ZFR: variants seen among roughly 807,000 people sequenced by gnomAD.
ZFR encodes zinc finger RNA-binding protein.
A neutral mutation model predicts 130.7 loss-of-function variants in ZFR; 19 were observed. The observed-to-expected ratio is 0.15, with a 90% CI of 0.10 to 0.21. The LOEUF is 0.21. Ranked by LOEUF, ZFR falls within the 10% of genes least tolerant of loss-of-function variation. The pLI is 1.00. For synonymous variants in ZFR, 466 were observed against 456.9 expected (o/e 1.02, Z -0.25); for missense variants, 872 against 1,321.5 (o/e 0.66, Z 5.27).
intron 11 of ZFR, among the ~76,000 whole-genome samples, chr5:32,393,572 C>T (rs1055160269): frequency 6.6e-6 from 1 of 152,158 alleles, no homozygotes; most frequent in Non-Finnish European, 1.5e-5. Context: ...TGAATCCCGA[C>T]CTCAGGTGAT....
At chr5:32,425,197 G>GAATGCTTT (rs1754046180) in intron 2 of ZFR, among the ~76,000 whole-genome samples, 1 of 152,298 alleles carries the variant, frequency 6.6e-6, no homozygotes, top group East Asian at 1.9e-4. Context: ...AATAAAACCA[G>GAATGCTTT]AATGCTTTAA....
At chr5:32,444,052 G>A (rs1261718430) in intron 2 of ZFR, among the ~76,000 whole-genome samples, 177 bp downstream of exon 2, 7 of 131,268 alleles carry the variant, frequency 5.3e-5, no homozygotes, top group Non-Finnish European at 8.5e-5. Flanking sequence ...GGGCCGGGCC[G>A]GGCAAGGCGG....
chr5:32,375,774 T>C (rs1053552588), intron 17 of ZFR, among the ~76,000 whole-genome samples: 1 of 152,074 alleles, frequency 6.6e-6, no homozygotes, highest in African/African-American at 2.4e-5. Context: ...TCTCAAATAA[T>C]GGGATTACAG....
In ZFR at chr5:32,387,549, A is replaced by C; in HGVS notation, c.2499T>G (p.Ala833=). The C allele has an allele frequency of 6.2e-7, 1 of 1,612,198 alleles. No homozygotes were observed. The highest frequency in any genetic ancestry group is 8.5e-7 in the Non-Finnish European group (1 of 1,179,104). The change falls in exon 14 of 20, where the codon GCT becomes GCG. Residue 833 remains alanine (A), a splice_region_variant and synonymous_variant. Coordinates refer to ENST00000265069, the MANE Select transcript of ZFR (RefSeq NM_016107.5). ...RIAENLPKQL[A]VISPEKYDIK... ...AAATGAACATTTCCATAATACTTACAGCAAGCTGTTTGGGTAGGTTTTCTG... is the reference window on the plus strand; with the variant it reads ...AAATGAACATTTCCATAATACTTACCGCAAGCTGTTTGGGTAGGTTTTCTG...
rs1752285166 is a variant in ZFR, at chr5:32,355,550, C to G, written c.*210G>C. ...GAAAAAATCGGAACTACTGTTTTCC[C>G]CCTAGTCGGAGCACATTTTTTTTTT... On this transcript the variant is annotated 3_prime_UTR_variant, in exon 20 of 20. Coordinates refer to ENST00000265069, the MANE Select transcript of ZFR (RefSeq NM_016107.5). 1 of 378,810 alleles carries G rather than the reference C, an allele frequency of 2.6e-6. No individual in the cohort carries two copies. The highest frequency in any genetic ancestry group is 9.6e-5 in the South Asian group (1 of 10,396). 23.5% of individuals were successfully genotyped at this position (378,810 alleles called of 1,614,324 possible).
At position 32,355,711 on chromosome 5, in the gene ZFR, C is replaced by T. The variant is rs1752289052; in HGVS notation, c.*49G>A. On this transcript the variant is annotated 3_prime_UTR_variant, in exon 20 of 20. Transcript: ENST00000265069. ...GACATTATTATGAATGAAAAACAGC[C>T]AACAAATGGGCATCTGTTTTTTTAA... 1.4e-6 allele frequency: 2 copies of T among 1,461,046 alleles called. No homozygotes were observed. Among genetic ancestry groups the T allele is most frequent in the African/African-American group, 1.4e-5 (1 of 69,326 alleles). 90.5% of individuals were successfully genotyped at this position (1,461,046 alleles called of 1,614,324 possible). A position where few individuals can be genotyped will look rare whatever the true frequency, so the allele number is the denominator to read the frequency against.
At position 32,419,772 on chromosome 5, in the gene ZFR, G is replaced by A. The variant is rs374930205; in HGVS notation, c.420+49C>T. On this transcript the variant is annotated intron_variant, in intron 3 of 19. Coordinates refer to ENST00000265069, the MANE Select transcript of ZFR (RefSeq NM_016107.5). ...CTAGGGCATTACATTATACACTGAA[G>A]ACAAAGAAACCCGCACATTCAGGCT... 79 of 1,533,650 alleles carry A rather than the reference G, an allele frequency of 5.2e-5. 1 individual carries two copies. The highest frequency in any genetic ancestry group is 1.4e-4 in the South Asian group (11 of 80,104).
intron 13 of ZFR, among the ~76,000 whole-genome samples, chr5:32,388,048 A>G (rs1340619225): frequency 6.6e-6 from 1 of 152,160 alleles, no homozygotes; most frequent in Non-Finnish European, 1.5e-5. Flanking sequence ...TAATAATGCA[A>G]ACTTGACATA....
intron 5 of ZFR, among the ~76,000 whole-genome samples, chr5:32,409,198 T>C (rs1490804011): frequency 2.0e-5 from 3 of 152,226 alleles, no homozygotes; most frequent in African/African-American, 7.2e-5. Flanking sequence ...ATATGGTGAA[T>C]AGGCAGTCTA....
At chr5:32,381,035 T>G (rs1323496442) in intron 15 of ZFR, among the ~76,000 whole-genome samples, 1 of 152,028 alleles carries the variant, frequency 6.6e-6, no homozygotes, top group African/African-American at 2.4e-5. Flanking sequence ...CCTTTAAAAT[T>G]TAAAGTTCCC....
chr5:32,382,883 A>G (rs186211117), intron 15 of ZFR, among the ~76,000 whole-genome samples: 22 of 152,256 alleles, frequency 1.4e-4, no homozygotes, highest in Admixed American at 7.9e-4. Context: ...TTAACCCCTT[A>G]TATTCTGCTA....
chr5:32,389,958 C>A (rs1320234175), intron 12 of ZFR, among the ~76,000 whole-genome samples: 3 of 152,200 alleles, frequency 2.0e-5, no homozygotes, highest in Non-Finnish European at 4.4e-5. Context: ...CAAGACCAGC[C>A]TGGCCAACGT....
At chr5:32,411,129 C>G (rs919472318) in intron 5 of ZFR, among the ~76,000 whole-genome samples, 2 of 152,170 alleles carry the variant, frequency 1.3e-5, no homozygotes, top group African/African-American at 4.8e-5. Flanking sequence ...GAAATCATGG[C>G]TCCTGTGTGA....
At chr5:32,442,360 C>G (rs575361479) in intron 2 of ZFR, among the ~76,000 whole-genome samples, 2 of 152,308 alleles carry the variant, frequency 1.3e-5, no homozygotes, top group South Asian at 4.1e-4. Flanking sequence ...ATTAGCCCTA[C>G]TAAAATCTCA....
chr5:32,360,096 T>C (rs1322325691), intron 19 of ZFR, among the ~76,000 whole-genome samples: 1 of 152,204 alleles, frequency 6.6e-6, no homozygotes, highest in African/African-American at 2.4e-5. Context: ...TTCAGAGACA[T>C]GATTTAATCT....
intron 15 of ZFR, 132 bp downstream of exon 15, chr5:32,385,376 C>T: frequency 9.3e-7 from 1 of 1,072,466 alleles, no homozygotes; most frequent in Non-Finnish European, 1.3e-6. Context: ...AAACCGGTTG[C>T]TAAATAAGTC....
At chr5:32,387,455 A>C in intron 14 of ZFR, 94 bp downstream of exon 14, 1 of 1,440,712 alleles carries the variant, frequency 6.9e-7, no homozygotes, top group Non-Finnish European at 9.4e-7. Context: ...AAAATTTTAA[A>C]GGCTGGCTTA....
Position 32,415,517 on chromosome 5 carries a change from C to CGTGTGT in ZFR, c.566-331_566-330insACACAC, listed in dbSNP as rs1561908415. ...GTGTGTGTGTGTGTGTGTGTGTGTG[C>CGTGTGT]GCGCGCGCGCGCGCGCACTAGTCAG... is the stretch of plus-strand genomic sequence containing the variant. On this transcript the variant is annotated intron_variant, in intron 4 of 19. Transcript: ENST00000265069. 5.4e-5 allele frequency among the ~76,000 whole-genome samples: 5 copies of CGTGTGT among 93,240 alleles called. No homozygotes were observed. In the East Asian group the frequency reaches 2.0e-3, roughly 37 times the overall value. The allele number at this position is 93,240 out of a possible 152,430, so 61.2% of individuals were successfully genotyped here. A position where few individuals can be genotyped will look rare whatever the true frequency, so the allele number is the denominator to read the frequency against.
At chr5:32,392,616 G>A (rs1161210398) in intron 11 of ZFR, among the ~76,000 whole-genome samples, 2 of 152,192 alleles carry the variant, frequency 1.3e-5, no homozygotes, top group African/African-American at 4.8e-5. Context: ...ATTTTATTAA[G>A]CTGTAGCAGG....
Sources: gnomAD v4.1 joint callset for allele counts (sites outside exome capture counted in the v4.1 genomes callset) on GRCh38, gnomAD v4.1.1 for gene constraint, MANE v1.5 for transcripts, NCBI Gene and HGNC (gene_info 2026-07-23, HGNC 2026-07-21) for gene names.